MAPK4: variants seen among roughly 807,000 people sequenced by gnomAD.
The protein encoded by MAPK4 is Erk3-related.
MAPK4 carries 22 observed loss-of-function variants against 47.7 expected under a neutral mutation model. The observed-to-expected ratio is 0.46, with a 90% CI of 0.33 to 0.66. The LOEUF is 0.66. MAPK4 is among the 30% of genes least tolerant of loss of function. The pLI, the probability that MAPK4 is intolerant of heterozygous loss-of-function variation, is 0.02. For missense variants in MAPK4, 736 were observed against 831.7 expected, an observed-to-expected ratio of 0.88 and a Z score of 1.42; for synonymous variants, 390 against 365.7, an observed-to-expected ratio of 1.07 and a Z score of -0.76.
At chr18:50,560,540 G>C (rs1026786484) in intron 1 of MAPK4, 1 of 152,392 alleles carries the variant, frequency 6.6e-6, no homozygotes, top group African/African-American at 2.4e-5. Flanking sequence ...TCCTCGCGTT[G>C]TGTTTAGGGG....
intron 1 of MAPK4, among the ~76,000 whole-genome samples, chr18:50,595,950 C>T (rs975439899): frequency 1.3e-5 from 2 of 152,046 alleles, no homozygotes; most frequent in Non-Finnish European, 2.9e-5. Flanking sequence ...TATGAAATAC[C>T]TGCTTCGTTT....
chr18:50,675,076 A>G (rs1908180548), intron 2 of MAPK4, among the ~76,000 whole-genome samples: 1 of 152,212 alleles, frequency 6.6e-6, no homozygotes, highest in Admixed American at 6.5e-5. Flanking sequence ...CCTCATAACA[A>G]CCTAATAGGT....
chr18:50,639,010 A>G (rs1228323982), intron 1 of MAPK4, among the ~76,000 whole-genome samples: 2 of 152,206 alleles, frequency 1.3e-5, no homozygotes, highest in African/African-American at 4.8e-5. Context: ...AAGGCCTTAT[A>G]TGGGCACAAC....
At chr18:50,682,882 T>C (rs772301824) in intron 2 of MAPK4, among the ~76,000 whole-genome samples, 2 of 152,120 alleles carry the variant, frequency 1.3e-5, no homozygotes, top group Non-Finnish European at 1.5e-5. Context: ...TAAAGTGGAG[T>C]CACCACTGGG....
chr18:50,677,569 T>G (rs1908348290), intron 2 of MAPK4, among the ~76,000 whole-genome samples: 1 of 151,228 alleles, frequency 6.6e-6, no homozygotes, highest in African/African-American at 2.4e-5. Context: ...TTTTTGTTGT[T>G]TTTTTTTTGA....
chr18:50,714,996 A>T, intron 2 of MAPK4, 83 bp from the exon 3 acceptor site: 1 of 1,401,748 alleles, frequency 7.1e-7, no homozygotes, highest in South Asian at 1.3e-5. Flanking sequence ...GGTCTGTTTC[A>T]TGGGAGGGGA....
intron 1 of MAPK4, among the ~76,000 whole-genome samples, chr18:50,568,024 G>A (rs935636123): frequency 1.3e-5 from 2 of 151,666 alleles, no homozygotes; most frequent in East Asian, 1.9e-4. Context: ...GTGAAACCCC[G>A]TCTCTACTAA....
At chr18:50,637,581 C>T (rs1170609592) in intron 1 of MAPK4, among the ~76,000 whole-genome samples, 3 of 152,228 alleles carry the variant, frequency 2.0e-5, no homozygotes, top group Admixed American at 6.5e-5. Flanking sequence ...TTCTATGCAC[C>T]TGTTTCCCCA....
intron 1 of MAPK4, among the ~76,000 whole-genome samples, chr18:50,635,126 G>A (rs148101017): frequency 1.4e-3 from 211 of 152,292 alleles, no homozygotes; most frequent in African/African-American, 5.0e-3. Flanking sequence ...GCTTCCTATG[G>A]TGCTTGGCAC....
At chr18:50,629,261 C>T (rs1017114969) in intron 1 of MAPK4, among the ~76,000 whole-genome samples, 5 of 152,174 alleles carry the variant, frequency 3.3e-5, no homozygotes, top group Non-Finnish European at 7.3e-5. Context: ...TGTTAATTCC[C>T]CAAGCGGTAG....
intron 1 of MAPK4, among the ~76,000 whole-genome samples, chr18:50,567,166 G>A (rs1420350285): frequency 1.3e-5 from 2 of 151,366 alleles, no homozygotes; most frequent in South Asian, 2.1e-4. Flanking sequence ...AGGTATACAC[G>A]TGCCATGGTG....
At chr18:50,624,409 G>A (rs9965309) in intron 1 of MAPK4, among the ~76,000 whole-genome samples, 6,001 of 152,262 alleles carry the variant, frequency 0.039, 358 homozygotes, top group African/African-American at 0.13. Flanking sequence ...AAATCAACAC[G>A]TGGGCAGTGT....
intron 2 of MAPK4, among the ~76,000 whole-genome samples, chr18:50,668,961 C>T (rs114931515): frequency 0.018 from 2,723 of 152,278 alleles, 95 homozygotes; most frequent in African/African-American, 0.063. Flanking sequence ...TAGAGTCAAA[C>T]GAAAAAGCGT....
At position 50,657,429 on chromosome 18, in the gene MAPK4, A is replaced by G. The variant is rs539370015; in HGVS notation, c.-870-5660A>G. ...CAGCAATAGTATATGGTACAATCCCATAAAACAGAGAGAACTGCAGAAGCT... is the reference window on the plus strand; with the variant it reads ...CAGCAATAGTATATGGTACAATCCCGTAAAACAGAGAGAACTGCAGAAGCT... On this transcript the variant is annotated intron_variant, in intron 1 of 5. Coordinates refer to ENST00000400384, the MANE Select transcript of MAPK4 (RefSeq NM_002747.4). 4.6e-5 allele frequency among the ~76,000 whole-genome samples: 7 copies of G among 152,302 alleles called. No homozygotes were observed. The East Asian group carries it at 9.7e-4, about 21-fold the overall frequency.
chr18:50,581,135 T>G (rs990418547), intron 1 of MAPK4, among the ~76,000 whole-genome samples: 4 of 152,234 alleles, frequency 2.6e-5, no homozygotes, highest in Non-Finnish European at 4.4e-5. Context: ...GGCAGCAAGA[T>G]GTATTCACTA....
chr18:50,632,953 C>G (rs568518843), intron 1 of MAPK4, among the ~76,000 whole-genome samples: 1 of 147,846 alleles, frequency 6.8e-6, no homozygotes, highest in Admixed American at 6.6e-5. Context: ...GTGCTAAAAA[C>G]ACAATGCTAT....
chr18:50,599,351 T>C (rs757996802), intron 1 of MAPK4, among the ~76,000 whole-genome samples: 6 of 152,242 alleles, frequency 3.9e-5, no homozygotes, highest in Admixed American at 6.5e-5. Context: ...AAGATTTATA[T>C]AGCTAAAAGT....
intron 3 of MAPK4, 29 bp downstream of exon 3, chr18:50,715,252 C>T (rs878958044): frequency 1.2e-6 from 2 of 1,605,442 alleles, no homozygotes; most frequent in Non-Finnish European, 1.7e-6. Context: ...CACCTTCCTT[C>T]TCATCTGGCG....
At chr18:50,639,137 G>T (rs2042916436) in intron 1 of MAPK4, among the ~76,000 whole-genome samples, 1 of 152,210 alleles carries the variant, frequency 6.6e-6, no homozygotes, top group Non-Finnish European at 1.5e-5. Flanking sequence ...GAAACCTGGG[G>T]AATGGAGAAA....
Sources: gnomAD v4.1 joint callset for allele counts (sites outside exome capture counted in the v4.1 genomes callset) on GRCh38, gnomAD v4.1.1 for gene constraint, MANE v1.5 for transcripts, NCBI Gene and HGNC (gene_info 2026-07-23, HGNC 2026-07-21) for gene names.